Variants in ITGA8 observed in about 807,000 individuals in gnomAD.
ITGA8 encodes the protein integrin subunit alpha 8.
ITGA8 carries 91 observed loss-of-function variants against 142.3 expected under a neutral mutation model. That is an observed-to-expected ratio of 0.64 (90% confidence interval 0.54 to 0.76). The LOEUF is 0.76. Ranked by LOEUF, ITGA8 falls within the 30% of genes least tolerant of loss-of-function variation. The pLI is 0.00. For missense variants in ITGA8, 1,406 were observed against 1,327.7 expected (o/e 1.06, Z -0.92); for synonymous variants, 505 against 485.2 (o/e 1.04, Z -0.54).
At chr10:15,595,596 G>C (rs1452691356) in intron 21 of ITGA8, among the ~76,000 whole-genome samples, 1 of 152,168 alleles carries the variant, frequency 6.6e-6, no homozygotes, top group Non-Finnish European at 1.5e-5. Flanking sequence ...CCTCCACTTT[G>C]AATGATACTG....
intron 20 of ITGA8, among the ~76,000 whole-genome samples, chr10:15,603,587 G>A (rs1833141559): frequency 6.6e-6 from 1 of 152,178 alleles, no homozygotes. Flanking sequence ...GCTTTGAATG[G>A]GAAGATTCAT....
intron 20 of ITGA8, among the ~76,000 whole-genome samples, chr10:15,601,690 G>T (rs1332985702): frequency 1.3e-5 from 2 of 151,986 alleles, no homozygotes; most frequent in Admixed American, 6.6e-5. Flanking sequence ...AAATATAAAG[G>T]CTGGCTCAAC....
chr10:15,690,177 C>T (rs1200322266), intron 2 of ITGA8, among the ~76,000 whole-genome samples: 1 of 152,154 alleles, frequency 6.6e-6, no homozygotes, highest in Non-Finnish European at 1.5e-5. Context: ...GGCTCCCCAC[C>T]TCCCTGGGGA....
chr10:15,648,547 CAAT>C (rs965668242), intron 11 of ITGA8, among the ~76,000 whole-genome samples: 88 of 150,890 alleles, frequency 5.8e-4, no homozygotes, highest in Non-Finnish European at 8.7e-4. Flanking sequence ...ATATCAATAA[CAAT>C]AACATAAAAT....
At chr10:15,700,310 T>G (rs564444085) in intron 2 of ITGA8, among the ~76,000 whole-genome samples, 2 of 152,286 alleles carry the variant, frequency 1.3e-5, no homozygotes, top group Admixed American at 6.5e-5. Context: ...GGCCCCTGAT[T>G]GCTTCTCCAA....
rs1261841578 is a variant in ITGA8 at position 15,655,073 on chromosome 10, A to C, written c.1001+281T>G. On this transcript the variant is annotated intron_variant, in intron 11 of 29. Transcript: ENST00000378076. ...AGATAGATGAATGTTCTCAATGGCT[A>C]TGAATTTTGAATGGCTGAAGACTAT... Among the ~76,000 whole-genome samples the C allele has an allele frequency of 2.0e-5, 3 of 146,696 alleles. No homozygotes were observed. The Admixed American group carries it at 2.2e-4, about 11-fold the overall frequency.
chr10:15,702,593 C>G (rs911063401), intron 2 of ITGA8, among the ~76,000 whole-genome samples: 3 of 152,008 alleles, frequency 2.0e-5, no homozygotes, highest in East Asian at 1.9e-4. Flanking sequence ...GCGTGGCCCA[C>G]GTGAAGATCT....
chr10:15,659,054 A>G lies in ITGA8; in HGVS notation c.893T>C (p.Val298Ala), dbSNP rs1359735724. 6.2e-7 allele frequency: 1 copy of G among 1,604,338 alleles called. No individual in the cohort carries two copies. Among genetic ancestry groups the G allele is most frequent in the Non-Finnish European group, 8.5e-7 (1 of 1,173,784 alleles). Residue 298 changes from valine (V) to alanine (A), a missense_variant and splice_region_variant, in exon 10 of 30, where the codon GTT (valine) becomes GCT (alanine). Coordinates refer to ENST00000378076, the MANE Select transcript of ITGA8 (RefSeq NM_003638.3). ...CATATCCGTAGAGTTAATGATGGAA[A>G]CCTGAAATCACAGAAATTAAACAGG... ...IPRGAQNFGY[V>A]SIINSTDMTF...
At chr10:15,618,827 T>A (rs1171227407) in intron 13 of ITGA8, among the ~76,000 whole-genome samples, 3 of 152,190 alleles carry the variant, frequency 2.0e-5, no homozygotes, top group Admixed American at 6.5e-5. Flanking sequence ...TTGTGGGACC[T>A]CACCTTGTCA....
chr10:15,718,966 T>A, intron 1 of ITGA8, 67 bp from the exon 2 acceptor site: 1 of 1,607,910 alleles, frequency 6.2e-7, no homozygotes, highest in Non-Finnish European at 8.5e-7. Context: ...ATGCAGTCTC[T>A]GTAACCTCCT....
intron 2 of ITGA8, among the ~76,000 whole-genome samples, chr10:15,704,719 G>C (rs1232890371): frequency 6.6e-6 from 1 of 152,124 alleles, no homozygotes; most frequent in African/African-American, 2.4e-5. Context: ...GCTTCAAGAA[G>C]TAATGAAAAC....
chr10:15,718,650 G>A lies in ITGA8; in HGVS notation c.343+116C>T, dbSNP rs1340258255. The A allele has an allele frequency of 2.3e-6, 3 of 1,298,500 alleles. No individual in the cohort carries two copies. The East Asian group carries it at 7.0e-5, about 30-fold the overall frequency. 80.4% of individuals were successfully genotyped at this position (1,298,500 alleles called of 1,614,324 possible). A position where few individuals can be genotyped will look rare whatever the true frequency, so the allele number is the denominator to read the frequency against. Reference sequence around the variant, plus strand: ...TAGAGACCCACATAGCCCACAATACGGACATATCAGACAAGCTAAACGAGC... The same window carrying A: ...TAGAGACCCACATAGCCCACAATACAGACATATCAGACAAGCTAAACGAGC... On this transcript the variant is annotated intron_variant, in intron 2 of 29. Coordinates refer to ENST00000378076, the MANE Select transcript of ITGA8 (RefSeq NM_003638.3).
chr10:15,592,381 C>G, intron 21 of ITGA8, 77 bp from the exon 22 acceptor site: 2 of 1,065,916 alleles, frequency 1.9e-6, no homozygotes, highest in South Asian at 1.4e-5. Flanking sequence ...TCCTGCAAAA[C>G]CCCACCCTGG....
intron 22 of ITGA8, among the ~76,000 whole-genome samples, chr10:15,587,790 T>G (rs943642183): frequency 6.6e-6 from 1 of 152,038 alleles, no homozygotes; most frequent in Non-Finnish European, 1.5e-5. Flanking sequence ...TTTGCTGGGG[T>G]TTTTTCTCTC....
intron 11 of ITGA8, 117 bp downstream of exon 11, chr10:15,655,237 C>A (rs2131664961): frequency 4.8e-6 from 3 of 621,132 alleles, no homozygotes; most frequent in South Asian, 2.8e-5. Context: ...AAGTTGAGAA[C>A]AAGAGAGCCT....
intron 13 of ITGA8, among the ~76,000 whole-genome samples, chr10:15,620,263 C>T (rs1416571241): frequency 4.0e-5 from 6 of 151,774 alleles, no homozygotes. Flanking sequence ...TCAACTGCAG[C>T]TAAATTCTGC....
intron 26 of ITGA8, among the ~76,000 whole-genome samples, chr10:15,549,442 C>T (rs1001034851): frequency 6.6e-6 from 1 of 152,038 alleles, no homozygotes; most frequent in Non-Finnish European, 1.5e-5. Flanking sequence ...CACTCCTGAC[C>T]TCAGGTGATC....
At chr10:15,562,243 G>C (rs982069949) in intron 25 of ITGA8, among the ~76,000 whole-genome samples, 1 of 152,350 alleles carries the variant, frequency 6.6e-6, no homozygotes, top group East Asian at 1.9e-4. Context: ...GACAGAGAGA[G>C]TGGTGAAGGT....
chr10:15,665,343 G>A (rs1391531709), intron 8 of ITGA8, among the ~76,000 whole-genome samples: 23 of 152,020 alleles, frequency 1.5e-4, no homozygotes, highest in Non-Finnish European at 2.4e-4. Flanking sequence ...CATATCCTTC[G>A]CCCACTTTTT....
Sources: gnomAD v4.1 joint callset for allele counts (sites outside exome capture counted in the v4.1 genomes callset) on GRCh38, gnomAD v4.1.1 for gene constraint, MANE v1.5 for transcripts, NCBI Gene and HGNC (gene_info 2026-07-23, HGNC 2026-07-21) for gene names.